The following YAP1 variants were observed in gnomAD, a reference collection of about 807,000 sequenced individuals.
The protein encoded by YAP1 is transcriptional coactivator YAP1.
In YAP1, 5 loss-of-function variants were observed where a neutral mutation model predicts 56.9. The observed-to-expected ratio is 0.09, with a 90% confidence interval of 0.05 to 0.18. The LOEUF is 0.18. YAP1 is among the 10% of genes least tolerant of loss of function. The probability of loss-of-function intolerance (pLI) is 1.00; values close to 1 mark genes in which losing one functional copy is unlikely to be tolerated. For missense variants in YAP1, 539 were observed against 651.8 expected (o/e 0.83, Z 1.88); for synonymous variants, 265 against 248.1 (o/e 1.07, Z -0.64).
intron 3 of YAP1, among the ~76,000 whole-genome samples, chr11:102,164,330 G>C (rs1172147795): frequency 6.6e-6 from 1 of 151,996 alleles, no homozygotes; most frequent in Non-Finnish European, 1.5e-5. Flanking sequence ...ACCATGCCTG[G>C]CCCCTAATTA....
chr11:102,227,453 T>G lies in YAP1; in HGVS notation c.1164-16T>G, dbSNP rs780293839. ...AAAATTTTTTGTGTTGGTCTTTAAC[T>G]GTCATGTTTATGTAGTGGCACCTAT... On this transcript the variant is annotated splice_polypyrimidine_tract_variant and intron_variant, in intron 7 of 8. Transcript: ENST00000282441. 4 of 1,590,322 alleles carry G rather than the reference T, an allele frequency of 2.5e-6. No individual in the cohort carries two copies. Among genetic ancestry groups the G allele is most frequent in the Middle Eastern group, 1.7e-4 (1 of 6,012 alleles).
intron 3 of YAP1, among the ~76,000 whole-genome samples, chr11:102,172,026 C>T (rs933133846): frequency 8.6e-5 from 13 of 151,914 alleles, no homozygotes; most frequent in Non-Finnish European, 1.6e-4. Flanking sequence ...CCCGTCTCTA[C>T]TAAAAATACA....
At chr11:102,220,138 C>T (rs957648825) in intron 6 of YAP1, among the ~76,000 whole-genome samples, 8 of 151,856 alleles carry the variant, frequency 5.3e-5, no homozygotes, top group Admixed American at 2.6e-4. Flanking sequence ...GGAGGCCAAT[C>T]GCTTGAGCTC....
intron 2 of YAP1, among the ~76,000 whole-genome samples, chr11:102,137,405 A>C (rs1944734335): frequency 6.6e-6 from 1 of 152,232 alleles, no homozygotes; most frequent in Non-Finnish European, 1.5e-5. Flanking sequence ...ATTCAGTTTT[A>C]AACTGGGTGC....
intron 4 of YAP1, among the ~76,000 whole-genome samples, chr11:102,199,418 G>T (rs565974829): frequency 6.6e-6 from 1 of 150,966 alleles, no homozygotes; most frequent in East Asian, 1.9e-4. Context: ...CCCAAAAATT[G>T]TTGGCTTTTT....
chr11:102,166,896 T>G (rs543449393), intron 3 of YAP1, among the ~76,000 whole-genome samples: 2 of 152,320 alleles, frequency 1.3e-5, no homozygotes, highest in African/African-American at 4.8e-5. Flanking sequence ...TCCTCTAGAC[T>G]CCCCAAACCT....
intron 3 of YAP1, among the ~76,000 whole-genome samples, chr11:102,164,842 C>A (rs763707508): frequency 6.6e-5 from 10 of 152,196 alleles, no homozygotes; most frequent in Non-Finnish European, 1.5e-4. Context: ...CTTGCCTCAG[C>A]CTCCTGAGTA....
At chr11:102,140,555 A>T (rs892332764) in intron 2 of YAP1, among the ~76,000 whole-genome samples, 1 of 152,190 alleles carries the variant, frequency 6.6e-6, no homozygotes, top group Non-Finnish European at 1.5e-5. Flanking sequence ...TTTAAAAATG[A>T]CATCTTAGGC....
intron 6 of YAP1, among the ~76,000 whole-genome samples, chr11:102,211,050 T>C (rs1949381909): frequency 6.6e-6 from 1 of 152,204 alleles, no homozygotes; most frequent in Non-Finnish European, 1.5e-5. Context: ...CCACCACGTC[T>C]GGCCTGAAGT....
intron 2 of YAP1, among the ~76,000 whole-genome samples, chr11:102,116,098 T>C (rs550899471): frequency 1.3e-5 from 2 of 152,352 alleles, no homozygotes; most frequent in Non-Finnish European, 1.5e-5. Flanking sequence ...ATCAGTATTC[T>C]AGATACAGTT....
chr11:102,200,687 C>T (rs1298995252), intron 4 of YAP1, among the ~76,000 whole-genome samples: 3 of 152,030 alleles, frequency 2.0e-5, no homozygotes, highest in East Asian at 1.9e-4. Flanking sequence ...TCTAGTGATC[C>T]GTCTGCCTTG....
intron 4 of YAP1, among the ~76,000 whole-genome samples, chr11:102,190,345 A>T (rs1484775151): frequency 6.6e-6 from 1 of 152,226 alleles, no homozygotes; most frequent in Non-Finnish European, 1.5e-5. Flanking sequence ...AATTATTAAC[A>T]GATGGCCAGG....
At chr11:102,185,960 T>C in intron 3 of YAP1, 58 bp from the exon 4 acceptor site, 1 of 1,421,450 alleles carries the variant, frequency 7.0e-7, no homozygotes, top group Non-Finnish European at 9.3e-7. Flanking sequence ...CCCCTCCCAC[T>C]TTTTTTTAGG....
At position 102,171,726 on chromosome 11, in the gene YAP1, GACAA is replaced by G. The variant is rs373209948; in HGVS notation, c.688+9159_688+9162del. On this transcript the variant is annotated intron_variant, in intron 3 of 8. Coordinates refer to ENST00000282441, the MANE Select transcript of YAP1 (RefSeq NM_001130145.3). ...TAGAAAGTTCTTACAGCTATAACCT[GACAA>G]ACAGGAAAATGATTTTTTAAGCAGT... Among the ~76,000 whole-genome samples the G allele has an allele frequency of 1.4e-4, 21 of 152,228 alleles. No homozygotes were observed. In the East Asian group the frequency reaches 2.7e-3, roughly 20 times the overall value.
chr11:102,210,263 T>G (rs1949333174), intron 6 of YAP1, among the ~76,000 whole-genome samples: 2 of 152,202 alleles, frequency 1.3e-5, no homozygotes, highest in South Asian at 2.1e-4. Flanking sequence ...TCCACAAGAT[T>G]AGAAGAAATT....
chr11:102,193,002 T>G (rs1428664423), intron 4 of YAP1, among the ~76,000 whole-genome samples: 1 of 152,222 alleles, frequency 6.6e-6, no homozygotes, highest in Non-Finnish European at 1.5e-5. Context: ...TATGGGAGTT[T>G]AAACATGTTC....
intron 6 of YAP1, among the ~76,000 whole-genome samples, chr11:102,213,002 G>A (rs1270352989): frequency 2.0e-5 from 3 of 152,202 alleles, no homozygotes; most frequent in Non-Finnish European, 4.4e-5. Flanking sequence ...AGATTGAGCA[G>A]TTAATGCTAT....
At chr11:102,180,170 C>T (rs374049350) in intron 3 of YAP1, among the ~76,000 whole-genome samples, 6 of 151,658 alleles carry the variant, frequency 4.0e-5, no homozygotes, top group Non-Finnish European at 8.8e-5. Context: ...CCACCACACC[C>T]GGCTAATTTT....
At chr11:102,146,407 A>G (rs948327979) in intron 2 of YAP1, among the ~76,000 whole-genome samples, 9 of 152,144 alleles carry the variant, frequency 5.9e-5, no homozygotes, top group African/African-American at 1.2e-4. Context: ...TACTGAAGAG[A>G]TGCACCTCTT....
Sources: allele counts gnomAD v4.1 joint callset (sites outside exome capture counted in the v4.1 genomes callset), GRCh38; gene constraint gnomAD v4.1.1; transcripts MANE v1.5; gene names NCBI Gene and HGNC (gene_info 2026-07-23, HGNC 2026-07-21).